SLC12A6: variants seen among roughly 807,000 people sequenced by gnomAD.
SLC12A6 encodes K-Cl cotransporter 3.
SLC12A6 carries 66 observed loss-of-function variants against 135.3 expected under a neutral mutation model. The ratio of observed to expected loss-of-function variants is 0.49; its 90% CI spans 0.40 to 0.60. The LOEUF is 0.60. Ranked by LOEUF, SLC12A6 falls within the 20% of genes least tolerant of loss-of-function variation. SLC12A6 has a pLI of 0.00. For missense variants in SLC12A6, 1,058 were observed against 1,452.3 expected (o/e 0.73, Z 4.41); for synonymous variants, 513 against 508.8 (o/e 1.01, Z -0.11).
chr15:34,262,159 G>A (rs1349205066), intron 3 of SLC12A6, among the ~76,000 whole-genome samples: 3 of 152,068 alleles, frequency 2.0e-5, no homozygotes, highest in Non-Finnish European at 4.4e-5. Context: ...CTCTCTTCCC[G>A]TTTGGCATAC....
At chr15:34,256,422 G>A in intron 6 of SLC12A6, 139 bp from the exon 7 acceptor site, 2 of 686,936 alleles carry the variant, frequency 2.9e-6, no homozygotes, top group Non-Finnish European at 5.4e-6. Flanking sequence ...TAATGGTATG[G>A]AAATAAGATG....
intron 6 of SLC12A6, among the ~76,000 whole-genome samples, chr15:34,257,271 T>G (rs113610891): frequency 0.012 from 1,826 of 152,310 alleles, 15 homozygotes; most frequent in Middle Eastern, 0.037. Flanking sequence ...CGCAATAACC[T>G]GTCTTGTTTC....
At chr15:34,256,419 A>G in intron 6 of SLC12A6, 136 bp from the exon 7 acceptor site, 2 of 694,072 alleles carry the variant, frequency 2.9e-6, no homozygotes. Flanking sequence ...ACCTAATGGT[A>G]TGGAAATAAG....
chr15:34,304,336 G>C (rs1354966541), intron 2 of SLC12A6, among the ~76,000 whole-genome samples: 1 of 152,080 alleles, frequency 6.6e-6, no homozygotes, highest in African/African-American at 2.4e-5. Context: ...CATTTGGGCT[G>C]TTACTTCTTT....
At chr15:34,262,035 A>C (rs1213203098) in intron 3 of SLC12A6, among the ~76,000 whole-genome samples, 2 of 152,190 alleles carry the variant, frequency 1.3e-5, no homozygotes, top group Non-Finnish European at 2.9e-5. Context: ...TTCTACCAAA[A>C]AGACACATGC....
At chr15:34,235,057 T>A (rs541875091) in intron 25 of SLC12A6, 124 bp downstream of exon 25, 625 of 935,534 alleles carry the variant, frequency 6.7e-4, no homozygotes, top group Admixed American at 1.1e-3. Context: ...CTAGGACTTT[T>A]AAGTCTCCCT....
intron 1 of SLC12A6, chr15:34,337,028 A>T (rs1890246010): frequency 2.8e-6 from 1 of 354,498 alleles, no homozygotes; most frequent in African/African-American, 2.1e-5. Flanking sequence ...CCATGGTCTC[A>T]GGGCAGCAGA....
intron 3 of SLC12A6, among the ~76,000 whole-genome samples, chr15:34,272,250 T>C (rs1036892334): frequency 4.6e-5 from 7 of 152,244 alleles, no homozygotes; most frequent in African/African-American, 1.7e-4. Flanking sequence ...ATTACAGGCG[T>C]GGTGAACCAC....
At chr15:34,243,321 G>A (rs74010034) in intron 16 of SLC12A6, among the ~76,000 whole-genome samples, 15,511 of 152,216 alleles carry the variant, frequency 0.1, 897 homozygotes, top group South Asian at 0.15. Context: ...AAGACAGAAA[G>A]GGAACAAGGA....
At chr15:34,338,054 G>T (rs1435615913), upstream of SLC12A6, 1 of 152,098 alleles carries the variant, frequency 6.6e-6, no homozygotes, top group Non-Finnish European at 1.5e-5. Flanking sequence ...CGCGGTGACC[G>T]AGTGCAGCGC....
Position 34,235,120 on chromosome 15 carries a change from TATCTC to T in SLC12A6, c.3361+56_3361+60del, listed in dbSNP as rs1335305787. 55 of 1,449,622 alleles carry T rather than the reference TATCTC, an allele frequency of 3.8e-5. No individual in the cohort carries two copies. The East Asian group carries it at 6.8e-4, about 18-fold the overall frequency. 89.8% of individuals were successfully genotyped at this position (1,449,622 alleles called of 1,614,324 possible). On this transcript the variant is annotated intron_variant, in intron 25 of 25. Coordinates refer to ENST00000354181, the MANE Select transcript of SLC12A6 (RefSeq NM_001365088.1). Reference sequence around the variant, plus strand: ...ACAATGACTTTTATTGTTACCTAGTTATCTCAGAAAGAGGTTAAGGAGATTTTCCC... The same window carrying T: ...ACAATGACTTTTATTGTTACCTAGTTAGAAAGAGGTTAAGGAGATTTTCCC...
chr15:34,315,411 G>A (rs1051221215), intron 2 of SLC12A6, among the ~76,000 whole-genome samples: 1 of 152,046 alleles, frequency 6.6e-6, no homozygotes, highest in Non-Finnish European at 1.5e-5. Context: ...ATGATCATTA[G>A]CATTTTTTGG....
chr15:34,255,213 A>C, intron 8 of SLC12A6, 49 bp downstream of exon 8: 1 of 1,399,936 alleles, frequency 7.1e-7, no homozygotes, highest in Non-Finnish European at 1.0e-6. Flanking sequence ...GAATAAACCT[A>C]AATCAATATT....
chr15:34,325,171 AG>A (rs1224473557), intron 2 of SLC12A6, among the ~76,000 whole-genome samples: 1 of 152,200 alleles, frequency 6.6e-6, no homozygotes, highest in African/African-American at 2.4e-5. Flanking sequence ...ACTTACATTT[AG>A]GGCTACTACT....
At chr15:34,314,626 C>T (rs1819491580) in intron 2 of SLC12A6, 2 of 152,342 alleles carry the variant, frequency 1.3e-5, no homozygotes, top group Admixed American at 6.5e-5. Flanking sequence ...GATAGTGATT[C>T]CTCTGATGGA....
At chr15:34,333,141 A>G (rs1380161612) in intron 2 of SLC12A6, among the ~76,000 whole-genome samples, 2 of 152,322 alleles carry the variant, frequency 1.3e-5, no homozygotes, top group South Asian at 2.1e-4. Context: ...AAAAATTACT[A>G]TAAAAGTGAT....
intron 2 of SLC12A6, among the ~76,000 whole-genome samples, chr15:34,285,515 T>C (rs1351138391): frequency 6.6e-6 from 1 of 151,730 alleles, no homozygotes; most frequent in Non-Finnish European, 1.5e-5. Context: ...ATGGTTTTTT[T>C]TTTTTTCCAA....
chr15:34,304,707 T>C (rs1435657122), intron 2 of SLC12A6, among the ~76,000 whole-genome samples: 1 of 152,228 alleles, frequency 6.6e-6, no homozygotes, highest in African/African-American at 2.4e-5. Flanking sequence ...GGAAAGCTGT[T>C]ACTTCCTTTT....
Position 34,245,828 on chromosome 15 carries a change from G to C in SLC12A6, c.1689C>G (p.Thr563=). The part of the protein sequence containing the change: ...DAVKGNLVVG[T]LSWPSPWVIV... ...TCACCCATGGGGATGGCCAAGATAA[G>C]GTGCCTACCACCAAATTACCTTTCA... Residue 563 remains threonine (T), a synonymous_variant, in exon 14 of 26, where the codon ACC becomes ACG. Coordinates refer to ENST00000354181, the MANE Select transcript of SLC12A6 (RefSeq NM_001365088.1). 6.2e-7 allele frequency: 1 copy of C among 1,613,636 alleles called. No homozygotes were observed. The highest frequency in any genetic ancestry group is 1.1e-5 in the South Asian group (1 of 91,060).
Sources: gnomAD v4.1 joint callset for allele counts (sites outside exome capture counted in the v4.1 genomes callset) on GRCh38, gnomAD v4.1.1 for gene constraint, MANE v1.5 for transcripts, NCBI Gene and HGNC (gene_info 2026-07-23, HGNC 2026-07-21) for gene names.